PIGZ: variants seen among roughly 807,000 people sequenced by gnomAD.
The protein encoded by PIGZ is GPI alpha-1,2-mannosyltransferase 4.
Under a neutral mutation model 16.4 loss-of-function variants are expected in PIGZ, and 16 were observed. The ratio of observed to expected loss-of-function variants is 0.97; its 90% CI spans 0.66 to 1.48. The LOEUF is 1.48. Ranked by LOEUF, PIGZ falls within the 40% of genes most tolerant of loss-of-function variation. The pLI is 0.00. For missense variants in PIGZ, 770 were observed against 739.2 expected (o/e 1.04, Z -0.48); for synonymous variants, 409 against 338.4 (o/e 1.21, Z -2.29).
At chr3:196,966,813 C>A (rs1008077931) in intron 1 of PIGZ, among the ~76,000 whole-genome samples, 29 of 152,194 alleles carry the variant, frequency 1.9e-4, no homozygotes, top group African/African-American at 2.7e-4. Context: ...CTCATTAATT[C>A]ATTCATTCAT....
At chr3:196,966,175 G>A (rs1269787872) in intron 1 of PIGZ, among the ~76,000 whole-genome samples, 1 of 152,128 alleles carries the variant, frequency 6.6e-6, no homozygotes, top group Non-Finnish European at 1.5e-5. Flanking sequence ...TACCCAATAC[G>A]CTAATAACAT....
At chr3:196,950,744 C>CTTTTTTTTTTTT (rs35150164) in intron 2 of PIGZ, among the ~76,000 whole-genome samples, 1 of 145,602 alleles carries the variant, frequency 6.9e-6, no homozygotes, top group African/African-American at 2.6e-5. Flanking sequence ...CTTCATTAGA[C>CTTTTTTTTTTTT]TTTTTTTTTT....
rs1401315261 is a variant in PIGZ at position 196,947,352 on chromosome 3, C to T, written c.1545G>A (p.Trp515Ter). ...QPACQVAGGP[W>*]LCRLFVVTPG... ...GGGTTACCACAAAGAGGCGGCAGAG[C>T]CATGGCCCACCAGCCACTTGGCAGG... The change falls in exon 3 of 3, where the codon TGG (tryptophan) becomes TGA (stop). Residue 515 changes from tryptophan (W) to a stop codon, truncating the protein, a stop_gained. Coordinates refer to ENST00000412723, the MANE Select transcript of PIGZ (RefSeq NM_025163.4). LOFTEE classifies it high-confidence loss of function. The T allele has an allele frequency of 6.2e-7, 1 of 1,614,198 alleles. No homozygotes were observed. The highest frequency in any genetic ancestry group is 8.5e-7 in the Non-Finnish European group (1 of 1,180,042).
At chr3:196,955,916 C>A (rs920377808) in intron 1 of PIGZ, among the ~76,000 whole-genome samples, 1 of 151,956 alleles carries the variant, frequency 6.6e-6, no homozygotes, top group African/African-American at 2.4e-5. Flanking sequence ...TTTATACCAT[C>A]TTATTTTGTG....
Position 196,951,870 on chromosome 3 carries a change from C to G in PIGZ, c.162G>C (p.Thr54=). 6.2e-7 allele frequency: 1 copy of G among 1,614,166 alleles called. No homozygotes were observed. Among genetic ancestry groups the G allele is most frequent in the Non-Finnish European group, 8.5e-7 (1 of 1,180,030 alleles). Residue 54 remains threonine, a synonymous_variant, in exon 2 of 3, where the codon ACG becomes ACC. Coordinates refer to ENST00000412723, the MANE Select transcript of PIGZ (RefSeq NM_025163.4). ...LRVLWCLLPQ[T]GYVHPDEFFQ... is the part of the protein sequence containing the mutation. ...AGAACTCATCTGGGTGCACATAGCC[C>G]GTCTGCGGAAGGAGACACCACAGCA...
At chr3:196,966,842 G>T (rs948838985) in intron 1 of PIGZ, among the ~76,000 whole-genome samples, 1 of 152,136 alleles carries the variant, frequency 6.6e-6, no homozygotes, top group Non-Finnish European at 1.5e-5. Flanking sequence ...ATCTGTCCGG[G>T]TGCGGGTCCA....
In PIGZ at chr3:196,965,426, T is replaced by C. The variant is rs573251080; in HGVS notation, c.-1+3261A>G. ...ATCCGATCCTCTCCCACCGGGTCTT[T>C]CCCTCAACACTTGGGGATTACAATT... On this transcript the variant is annotated intron_variant, in intron 1 of 2. Transcript: ENST00000412723. This position sits in a 1 kb window ranked among gnomAD's most constrained non-coding sequence, Gnocchi z 4.2. 1.3e-5 allele frequency among the ~76,000 whole-genome samples: 2 copies of C among 152,216 alleles called. No homozygotes were observed. Among genetic ancestry groups the C allele is most frequent in the South Asian group, 4.2e-4 (2 of 4,816 alleles).
Position 196,947,394 on chromosome 3 carries a change from GC to G in PIGZ, c.1502del (p.Ser501ThrfsTer22), listed in dbSNP as rs1716938142. 7.4e-6 allele frequency: 12 copies of G among 1,614,038 alleles called. No homozygotes were observed. The highest frequency in any genetic ancestry group is 1.0e-5 in the Non-Finnish European group (12 of 1,180,034). The part of the protein sequence containing the change: ...EDWALCQTLK[S>X]FTRQPACQVA... The stretch of plus-strand genomic sequence containing the variant: ...CTTGGCAGGCTGGTTGTCTGGTGAA[GC>G]TTTTCAGGGTTTGGCACAGGGCCCA... On this transcript the variant is annotated frameshift_variant, in exon 3 of 3. Coordinates refer to ENST00000412723, the MANE Select transcript of PIGZ (RefSeq NM_025163.4). LOFTEE classifies it high-confidence loss of function.
chr3:196,948,866 C>A (rs11714229), intron 2 of PIGZ, among the ~76,000 whole-genome samples, 181 bp from the exon 3 acceptor site: 1 of 85,640 alleles, frequency 1.2e-5, no homozygotes. Flanking sequence ...TCCCTTCCTT[C>A]CCTTCCTTCC....
chr3:196,950,662 T>TA (rs1717241054), intron 2 of PIGZ, among the ~76,000 whole-genome samples: 1 of 152,010 alleles, frequency 6.6e-6, no homozygotes, highest in Non-Finnish European at 1.5e-5. Context: ...CCTTTTAACT[T>TA]AAAAAACAAA....
At position 196,947,229 on chromosome 3, in the gene PIGZ, C is replaced by T. The variant is rs138574532; in HGVS notation, c.1668G>A (p.Leu556=). 1.9e-5 allele frequency: 31 copies of T among 1,608,300 alleles called. No individual in the cohort carries two copies. The highest frequency in any genetic ancestry group is 5.0e-5 in the Admixed American group (3 of 59,732). ...PHLTLEDPPA[L]SSLLSGAWRD... is the part of the protein sequence containing the mutation. The stretch of plus-strand genomic sequence containing the variant: ...TCCAAGCCCCACTCAGCAAGGAGGA[C>T]AGGGCTGGTGGATCCTCCAGGGTCA... The change falls in exon 3 of 3, where the codon CTG becomes CTA. Residue 556 remains leucine (L), a synonymous_variant. Coordinates refer to ENST00000412723, the MANE Select transcript of PIGZ (RefSeq NM_025163.4).
At chr3:196,949,446 T>C (rs535883058) in intron 2 of PIGZ, among the ~76,000 whole-genome samples, 2 of 152,268 alleles carry the variant, frequency 1.3e-5, no homozygotes, top group South Asian at 2.1e-4. Context: ...GCTAGGAATG[T>C]GGGTGGCCTC....
At chr3:196,968,257 G>A (rs1718014530) in intron 1 of PIGZ, among the ~76,000 whole-genome samples, 1 of 152,220 alleles carries the variant, frequency 6.6e-6, no homozygotes, top group South Asian at 2.1e-4. Flanking sequence ...GCTTTGCAGC[G>A]TGGCATGGTT....
In PIGZ at chr3:196,948,897, TC is replaced by T. The variant is rs1560180840; in HGVS notation, c.212-213del. On this transcript the variant is annotated intron_variant, in intron 2 of 2. Transcript: ENST00000412723. Reference sequence around the variant, plus strand: ...CTTCCTTCCCTTCCTTCCCCTTCCTTCCCTTCCCCTCCCCTCCCTTCCCTTC... The same window carrying T: ...CTTCCTTCCCTTCCTTCCCCTTCCTTCCTTCCCCTCCCCTCCCTTCCCTTC... 3.0e-4 allele frequency among the ~76,000 whole-genome samples: 19 copies of T among 63,478 alleles called. 2 individuals carry two copies. Among genetic ancestry groups the T allele is most frequent in the African/African-American group, 1.3e-3 (18 of 13,748 alleles). 41.6% of individuals were successfully genotyped at this position (63,478 alleles called of 152,430 possible). A position where few individuals can be genotyped will look rare whatever the true frequency, so the allele number is the denominator to read the frequency against.
intron 1 of PIGZ, among the ~76,000 whole-genome samples, chr3:196,968,242 T>G (rs1283663600): frequency 2.0e-5 from 3 of 152,192 alleles, no homozygotes; most frequent in African/African-American, 7.2e-5. Flanking sequence ...GGCTTCGTGC[T>G]CAGAGCTTTG....
intron 1 of PIGZ, among the ~76,000 whole-genome samples, chr3:196,957,985 G>A (rs940254834): frequency 3.3e-5 from 5 of 152,242 alleles, no homozygotes; most frequent in Non-Finnish European, 5.9e-5. Context: ...GAAGTGGCCA[G>A]TGGTTTGGAT....
chr3:196,968,525 G>A (rs531732161), intron 1 of PIGZ, among the ~76,000 whole-genome samples, 162 bp downstream of exon 1: 47 of 152,330 alleles, frequency 3.1e-4, no homozygotes, highest in African/African-American at 1.1e-3. Flanking sequence ...ACAGGTGCCT[G>A]CGAGAATGCG....
intron 1 of PIGZ, among the ~76,000 whole-genome samples, chr3:196,960,617 C>T (rs563560729): frequency 7.3e-5 from 11 of 149,818 alleles, no homozygotes; most frequent in Admixed American, 2.7e-4. Context: ...TGCAGTGAGC[C>T]GAGATTGCAT....
At chr3:196,953,623 G>A (rs1429935285) in intron 1 of PIGZ, among the ~76,000 whole-genome samples, 4 of 152,246 alleles carry the variant, frequency 2.6e-5, no homozygotes, top group Admixed American at 6.5e-5. Context: ...AGGAAAGCAA[G>A]CTTGACAACC....
Sources: gnomAD v4.1 joint callset for allele counts (sites outside exome capture counted in the v4.1 genomes callset) on GRCh38, gnomAD v4.1.1 for gene constraint, Gnocchi (gnomAD v3.1) non-coding constraint, MANE v1.5 for transcripts, NCBI Gene and HGNC (gene_info 2026-07-23, HGNC 2026-07-21) for gene names.